Variants in VWA8 observed in about 807,000 individuals in gnomAD.
The protein encoded by VWA8 is von Willebrand factor A domain-containing protein 8.
VWA8 carries 221 observed loss-of-function variants against 241.5 expected under a neutral mutation model. That is an observed-to-expected ratio of 0.91 (90% CI 0.82 to 1.02). VWA8 has a LOEUF of 1.02. Among genes scored for constraint, VWA8 ranks in the 50% least tolerant of loss-of-function variants. The probability of loss-of-function intolerance (pLI) is 0.00; values close to 1 mark genes in which losing one functional copy is unlikely to be tolerated. For synonymous variants in VWA8, 852 were observed against 827.1 expected, an observed-to-expected ratio of 1.03 and a Z score of -0.52; for missense variants, 2,322 against 2,328.7, an observed-to-expected ratio of 1.00 and a Z score of 0.06.
intron 14 of VWA8, among the ~76,000 whole-genome samples, chr13:41,826,757 TC>T (rs1354897634): frequency 6.6e-6 from 1 of 152,016 alleles, no homozygotes; most frequent in Non-Finnish European, 1.5e-5. Flanking sequence ...AACTGTAGTC[TC>T]AGCTACTCGG....
chr13:41,924,073 T>G (rs1012539068), intron 2 of VWA8, among the ~76,000 whole-genome samples: 19 of 151,784 alleles, frequency 1.3e-4, no homozygotes, highest in Non-Finnish European at 2.5e-4. Context: ...AAATGGATAT[T>G]TACAAATGGC....
chr13:41,655,185 G>A (rs879751915), intron 37 of VWA8, among the ~76,000 whole-genome samples: 4 of 151,904 alleles, frequency 2.6e-5, no homozygotes, highest in Non-Finnish European at 5.9e-5. Flanking sequence ...CGCCCCCTGG[G>A]TTCAAGCAAT....
At chr13:41,573,486 A>AAATAAATAAATATATAT in intron 43 of VWA8, among the ~76,000 whole-genome samples, 23 of 113,600 alleles carry the variant, frequency 2.0e-4, no homozygotes, top group African/African-American at 7.2e-4. Context: ...AAAAAAAAAA[A>AAATAAATAAATATATAT]ATATATATAT....
intron 37 of VWA8, among the ~76,000 whole-genome samples, chr13:41,647,074 C>T (rs2044836797): frequency 6.6e-6 from 1 of 152,178 alleles, no homozygotes; most frequent in South Asian, 2.1e-4. Context: ...GGCTTCAGTA[C>T]CTTACCTTTT....
chr13:41,780,635 T>C (rs1180498065), intron 19 of VWA8, among the ~76,000 whole-genome samples: 1 of 152,202 alleles, frequency 6.6e-6, no homozygotes, highest in African/African-American at 2.4e-5. Context: ...TATCAGCTAA[T>C]TAGCTTCTCT....
At chr13:41,917,848 C>G (rs11838643) in intron 2 of VWA8, among the ~76,000 whole-genome samples, 21,267 of 152,170 alleles carry the variant, frequency 0.14, 1,621 homozygotes, top group East Asian at 0.18. Context: ...CACAAAATAG[C>G]TCAGAAAGAA....
intron 40 of VWA8, among the ~76,000 whole-genome samples, chr13:41,592,180 A>G (rs1372190132): frequency 1.4e-5 from 2 of 146,232 alleles, no homozygotes; most frequent in Non-Finnish European, 3.0e-5. Flanking sequence ...CATGGATGAA[A>G]TTGGAAATCA....
At chr13:41,811,169 T>G in intron 17 of VWA8, 56 bp downstream of exon 17, 1 of 1,433,264 alleles carries the variant, frequency 7.0e-7, no homozygotes, top group Non-Finnish European at 9.8e-7. Context: ...TAAACTTATC[T>G]TATAGTTTTA....
intron 37 of VWA8, among the ~76,000 whole-genome samples, chr13:41,630,740 GA>G (rs557891029): frequency 4.6e-5 from 7 of 151,478 alleles, no homozygotes; most frequent in South Asian, 2.1e-4. Flanking sequence ...GATAAAAGGA[GA>G]AAAAAAAGTT....
Position 41,787,471 on chromosome 13 carries a change from ATCAG to A in VWA8, c.2132_2135del (p.Thr711MetfsTer8), listed in dbSNP as rs777665033. 4.5e-4 allele frequency: 727 copies of A among 1,612,472 alleles called. 2 individuals carry two copies. Among genetic ancestry groups the A allele is most frequent in the Non-Finnish European group, 6.0e-4 (709 of 1,179,272 alleles). ...CCTTCAGTTCTGGCTCCAAATTGTCATCAGTATTTATTTCTATTGTAGCATCTGC... is the reference window on the plus strand; with the variant it reads ...CCTTCAGTTCTGGCTCCAAATTGTCATATTTATTTCTATTGTAGCATCTGC... On this transcript the variant is annotated frameshift_variant, in exon 18 of 45. Transcript: ENST00000379310. LOFTEE classifies it high-confidence loss of function.
intron 37 of VWA8, among the ~76,000 whole-genome samples, chr13:41,616,392 G>C (rs1333171400): frequency 6.6e-6 from 1 of 152,038 alleles, no homozygotes; most frequent in Non-Finnish European, 1.5e-5. Context: ...AGCCAGACAT[G>C]ACAATTGATA....
At chr13:41,764,937 G>C (rs1013672908) in intron 20 of VWA8, among the ~76,000 whole-genome samples, 4 of 152,034 alleles carry the variant, frequency 2.6e-5, no homozygotes, top group African/African-American at 9.7e-5. Flanking sequence ...GAGAGCAGAA[G>C]AGAAAGCAAA....
At chr13:41,861,829 C>T (rs1469124605) in intron 12 of VWA8, among the ~76,000 whole-genome samples, 2 of 152,142 alleles carry the variant, frequency 1.3e-5, no homozygotes, top group East Asian at 1.9e-4. Context: ...AAAAAACATG[C>T]TGTGCTCCTA....
At chr13:41,955,598 G>A (rs1367043199) in intron 1 of VWA8, among the ~76,000 whole-genome samples, 1 of 152,212 alleles carries the variant, frequency 6.6e-6, no homozygotes, top group Non-Finnish European at 1.5e-5. Context: ...AGTCCATTAA[G>A]TTGGTGACAG....
At chr13:41,577,117 G>A (rs186399007) in intron 42 of VWA8, among the ~76,000 whole-genome samples, 1 of 152,324 alleles carries the variant, frequency 6.6e-6, no homozygotes, top group East Asian at 1.9e-4. Flanking sequence ...AATAGTTGGG[G>A]ATCCCAGGTA....
At chr13:41,796,787 TA>T (rs76339210) in intron 17 of VWA8, among the ~76,000 whole-genome samples, 3,538 of 141,930 alleles carry the variant, frequency 0.025, 116 homozygotes, top group African/African-American at 0.077. Flanking sequence ...GTTTAAAACT[TA>T]AAAAAAAAAA....
At chr13:41,645,326 G>T (rs1314102118) in intron 37 of VWA8, among the ~76,000 whole-genome samples, 4 of 152,076 alleles carry the variant, frequency 2.6e-5, no homozygotes, top group Non-Finnish European at 5.9e-5. Flanking sequence ...ATTAGCATTG[G>T]GAAAAAATAA....
At position 41,888,690 on chromosome 13, in the gene VWA8, A is replaced by G. The variant is rs143559162; in HGVS notation, c.652-1329T>C. Among the ~76,000 whole-genome samples the G allele has an allele frequency of 7.8e-3, 1,186 of 152,274 alleles. 7 individuals are homozygous for G. Among genetic ancestry groups the G allele is most frequent in the Non-Finnish European group, 0.013 (858 of 68,014 alleles). On this transcript the variant is annotated intron_variant, in intron 5 of 44. Transcript: ENST00000379310. ...ACTTTATCTTATGCAAGCTTCTATC[A>G]TTATTTATTTGTGCATTTGCTTCTA... is the stretch of plus-strand genomic sequence containing the variant.
intron 9 of VWA8, among the ~76,000 whole-genome samples, chr13:41,881,610 G>A (rs1874196514): frequency 6.6e-6 from 1 of 150,688 alleles, no homozygotes; most frequent in Non-Finnish European, 1.5e-5. Context: ...TGGCCAGGCA[G>A]AGGGGCTCCT....
Sources: gnomAD v4.1 joint callset for allele counts (sites outside exome capture counted in the v4.1 genomes callset) on GRCh38, gnomAD v4.1.1 for gene constraint, MANE v1.5 for transcripts, NCBI Gene and HGNC (gene_info 2026-07-23, HGNC 2026-07-21) for gene names.